Variants in SPOCK3 observed in about 807,000 individuals in gnomAD.
SPOCK3 encodes SPARC (osteonectin), cwcv and kazal like domains proteoglycan 3.
A neutral mutation model predicts 56.6 loss-of-function variants in SPOCK3; 30 were observed. The ratio of observed to expected loss-of-function variants is 0.53; its 90% CI spans 0.40 to 0.72. The LOEUF is 0.72. Ranked by LOEUF, SPOCK3 falls within the 30% of genes least tolerant of loss-of-function variation. The pLI is 0.00. For synonymous variants in SPOCK3, 196 were observed against 183.3 expected (o/e 1.07, Z -0.56); for missense variants, 527 against 530.0 (o/e 0.99, Z 0.06).
chr4:167,071,605 G>A (rs942712266), intron 2 of SPOCK3, among the ~76,000 whole-genome samples: 7 of 145,442 alleles, frequency 4.8e-5, no homozygotes, highest in African/African-American at 1.8e-4. Flanking sequence ...ATTCCATGGT[G>A]TATATGTGCC....
intron 2 of SPOCK3, among the ~76,000 whole-genome samples, chr4:167,223,044 A>G (rs1736173940): frequency 8.5e-6 from 1 of 118,116 alleles, no homozygotes; most frequent in African/African-American, 3.3e-5. Context: ...TATTTTATAT[A>G]TGAATATATA....
chr4:167,161,931 C>T (rs1323887792), intron 2 of SPOCK3, among the ~76,000 whole-genome samples: 6 of 151,682 alleles, frequency 4.0e-5, no homozygotes, highest in African/African-American at 9.7e-5. Context: ...AGGAGATATA[C>T]GTAATGTTAA....
At position 166,951,536 on chromosome 4, in the gene SPOCK3, T is replaced by G. The variant is rs1424269952; in HGVS notation, c.351-38793A>C. 2.8e-5 allele frequency among the ~76,000 whole-genome samples: 4 copies of G among 140,400 alleles called. No individual in the cohort carries two copies. In the East Asian group the frequency reaches 7.9e-4, roughly 28 times the overall value. 92.1% of individuals were successfully genotyped at this position (140,400 alleles called of 152,430 possible). A position where few individuals can be genotyped will look rare whatever the true frequency, so the allele number is the denominator to read the frequency against. ...GAACTGGTACCATTCCTTCTGAAAC[T>G]ATTCCAATCAATAGAAAAAGAGGGA... On this transcript the variant is annotated intron_variant, in intron 4 of 10. Transcript: ENST00000357545.
chr4:166,821,579 T>C (rs1478125001), intron 6 of SPOCK3, among the ~76,000 whole-genome samples: 2 of 152,018 alleles, frequency 1.3e-5, no homozygotes, highest in Admixed American at 1.3e-4. Context: ...AGTATATCCA[T>C]GCAATGAAAT....
chr4:167,234,225 G>A (rs1319513904), intron 1 of SPOCK3, 52 bp from the exon 2 acceptor site: 2 of 1,586,798 alleles, frequency 1.3e-6, no homozygotes, highest in African/African-American at 1.3e-5. Flanking sequence ...TGTCAAATAA[G>A]GGGTACGAAG....
intron 8 of SPOCK3, 125 bp downstream of exon 8, chr4:166,754,383 A>T: frequency 7.1e-7 from 1 of 1,404,204 alleles, no homozygotes; most frequent in Non-Finnish European, 9.3e-7. Flanking sequence ...CTTTTATTCA[A>T]CACTTGAATT....
chr4:166,769,233 G>A (rs1446711351), intron 7 of SPOCK3, among the ~76,000 whole-genome samples: 1 of 152,156 alleles, frequency 6.6e-6, no homozygotes, highest in East Asian at 1.9e-4. Flanking sequence ...CTGGGGAGGA[G>A]CTGCGTTCCT....
chr4:166,766,419 G>A (rs564876178), intron 7 of SPOCK3, among the ~76,000 whole-genome samples: 3 of 152,226 alleles, frequency 2.0e-5, no homozygotes, highest in South Asian at 4.2e-4. Flanking sequence ...TTTTGTCAAA[G>A]GCCTTTGCTG....
At chr4:167,232,254 A>G (rs1737251364) in intron 2 of SPOCK3, among the ~76,000 whole-genome samples, 1 of 152,088 alleles carries the variant, frequency 6.6e-6, no homozygotes, top group Non-Finnish European at 1.5e-5. Context: ...TTTAAAATAC[A>G]TTTTAGAGAA....
At chr4:167,146,519 C>T (rs1355744431) in intron 2 of SPOCK3, among the ~76,000 whole-genome samples, 1 of 152,140 alleles carries the variant, frequency 6.6e-6, no homozygotes, top group Non-Finnish European at 1.5e-5. Context: ...TTCTTCTCAG[C>T]ACCACATCGC....
At chr4:167,102,358 C>G (rs1008467483) in intron 2 of SPOCK3, 1 of 151,924 alleles carries the variant, frequency 6.6e-6, no homozygotes, top group Non-Finnish European at 1.5e-5. Context: ...CCTCCCTTCC[C>G]CTGCAGGAAC....
intron 6 of SPOCK3, among the ~76,000 whole-genome samples, chr4:166,839,641 T>C (rs2126823085): frequency 6.6e-6 from 1 of 152,232 alleles, no homozygotes; most frequent in South Asian, 2.1e-4. Context: ...TCTCTTAAAA[T>C]GGCACAGGTC....
chr4:166,857,914 G>A (rs1730858312), intron 6 of SPOCK3, among the ~76,000 whole-genome samples: 2 of 151,982 alleles, frequency 1.3e-5, no homozygotes. Context: ...ATGTATCTTG[G>A]GGATAACATT....
chr4:167,073,674 C>T (rs2150272651), intron 2 of SPOCK3, among the ~76,000 whole-genome samples: 1 of 151,828 alleles, frequency 6.6e-6, no homozygotes, highest in Admixed American at 6.6e-5. Context: ...GTTTTGTTCC[C>T]ACTGAGTTTT....
rs370083027 is a variant in SPOCK3, at chr4:166,910,065, T to G, written c.474+2555A>C. Among the ~76,000 whole-genome samples the G allele has an allele frequency of 7.8e-4, 119 of 152,226 alleles. No homozygotes were observed. The Middle Eastern group carries it at 0.014, about 17-fold the overall frequency. On this transcript the variant is annotated intron_variant, in intron 5 of 10. Transcript: ENST00000357545. Reference sequence around the variant, plus strand: ...ATCAAATAAACTCTTAAAAAAAGATTAGTAAGGATAGTTTCACCTAAATCT... The same window carrying G: ...ATCAAATAAACTCTTAAAAAAAGATGAGTAAGGATAGTTTCACCTAAATCT...
intron 3 of SPOCK3, among the ~76,000 whole-genome samples, chr4:167,048,678 T>C (rs1332927971): frequency 1.6e-4 from 24 of 152,194 alleles, no homozygotes; most frequent in Non-Finnish European, 3.1e-4. Flanking sequence ...GTTTTCTAAA[T>C]CTAAGGCCAT....
chr4:167,166,875 G>T (rs1580494272), intron 2 of SPOCK3, among the ~76,000 whole-genome samples: 1 of 152,074 alleles, frequency 6.6e-6, no homozygotes, highest in African/African-American at 2.4e-5. Flanking sequence ...ATTTCTCAAA[G>T]ATTTTAGTCT....
chr4:166,774,466 C>T (rs1413236037), intron 7 of SPOCK3, among the ~76,000 whole-genome samples: 1 of 152,146 alleles, frequency 6.6e-6, no homozygotes, highest in Non-Finnish European at 1.5e-5. Flanking sequence ...CTCTTTGTCC[C>T]TGGATATCTG....
intron 3 of SPOCK3, among the ~76,000 whole-genome samples, chr4:167,025,085 G>A (rs1162167617): frequency 1.3e-5 from 2 of 152,046 alleles, no homozygotes; most frequent in African/African-American, 4.8e-5. Context: ...TCTAGAAATA[G>A]ATGCAGTGTG....
Sources: gnomAD v4.1 joint callset for allele counts (sites outside exome capture counted in the v4.1 genomes callset) on GRCh38, gnomAD v4.1.1 for gene constraint, MANE v1.5 for transcripts, NCBI Gene and HGNC (gene_info 2026-07-23, HGNC 2026-07-21) for gene names.